PTPRB: variants seen among roughly 807,000 people sequenced by gnomAD.
PTPRB encodes the protein receptor-type tyrosine-protein phosphatase beta.
Under a neutral mutation model 238.1 loss-of-function variants are expected in PTPRB, and 97 were observed. That is an observed-to-expected ratio of 0.41 (90% CI 0.35 to 0.48). PTPRB has a LOEUF of 0.48. PTPRB is among the 20% of genes least tolerant of loss of function. PTPRB has a pLI of 0.30. For missense variants in PTPRB, 2,292 were observed against 2,681.9 expected (o/e 0.85, Z 3.21); for synonymous variants, 970 against 995.4 (o/e 0.97, Z 0.48).
rs567583207 is a variant in PTPRB at position 70,553,281 on chromosome 12, T to C, written c.5144-261A>G. Among the ~76,000 whole-genome samples the C allele has an allele frequency of 2.0e-5, 3 of 152,246 alleles. No homozygotes were observed. The East Asian group carries it at 5.8e-4, about 29-fold the overall frequency. On this transcript the variant is annotated intron_variant, in intron 20 of 33. Coordinates refer to ENST00000334414, the MANE Select transcript of PTPRB (RefSeq NM_001109754.4). ...ATTTTCCTAGGAAATAAAATAAGGG[T>C]AGCTCATTGCATTAAATGAGAGCAT...
chr12:70,571,858 T>C lies in PTPRB; in HGVS notation c.3072A>G (p.Gln1024=), dbSNP rs1229730325. 3 of 1,613,876 alleles carry C rather than the reference T, an allele frequency of 1.9e-6. No individual in the cohort carries two copies. Among genetic ancestry groups the C allele is most frequent in the African/African-American group, 1.3e-5 (1 of 74,950 alleles). ...CATTCCCTTGTTCATTGGCTTCATA[T>C]TGTCCACTTTTTGTAGTAACAGTGA... ...YSVTVTTKSG[Q]YEANEQGNGR... Residue 1024 remains glutamine, a synonymous_variant, in exon 12 of 34, where the codon CAA becomes CAG. Coordinates refer to ENST00000334414, the MANE Select transcript of PTPRB (RefSeq NM_001109754.4).
At position 70,592,369 on chromosome 12, in the gene PTPRB, C is replaced by A. The variant is rs1323666538; in HGVS notation, c.1693G>T (p.Glu565Ter). Residue 565 changes from glutamate to a stop codon, truncating the protein, a stop_gained, in exon 7 of 34, where the codon GAG becomes TAG. Transcript: ENST00000334414. LOFTEE classifies it high-confidence loss of function. The stretch of plus-strand genomic sequence containing the variant: ...TGATAAAGTCGACCGGGGACTAACT[C>A]TTTAAAGTGAGTTTCAGTAATCCAA... ...APWITETHFK[E>*]LVPGRLYQVT... The A allele has an allele frequency of 3.1e-6, 5 of 1,613,858 alleles. No individual in the cohort carries two copies. The highest frequency in any genetic ancestry group is 4.2e-6 in the Non-Finnish European group (5 of 1,179,872).
At chr12:70,539,318 C>A in intron 26 of PTPRB, 1 of 533,226 alleles carries the variant, frequency 1.9e-6, no homozygotes, top group Non-Finnish European at 3.3e-6. Flanking sequence ...ATCTTCCAGC[C>A]AAGCAAATGG....
chr12:70,595,517 G>GA (rs1265622825), intron 5 of PTPRB, among the ~76,000 whole-genome samples: 4 of 152,094 alleles, frequency 2.6e-5, no homozygotes, highest in Admixed American at 1.3e-4. Flanking sequence ...CAAATGACAT[G>GA]AAAGACATGT....
intron 33 of PTPRB, among the ~76,000 whole-genome samples, chr12:70,522,820 T>C (rs1354698767): frequency 1.3e-5 from 2 of 151,982 alleles, no homozygotes; most frequent in Non-Finnish European, 2.9e-5. Flanking sequence ...TTTATTTAGC[T>C]ATTATAACAT....
At position 70,576,666 on chromosome 12, in the gene PTPRB, GGGCGGGGGGGGGGGGGA is replaced by G. The variant is rs1565967058; in HGVS notation, c.2579-38_2579-22del. ...AGGGACTGTGATTTTGAAAGGTGGGGGGCGGGGGGGGGGGGGAAGGGGGATTCAAAAAGAAAGACACA... is the reference window on the plus strand; with the variant it reads ...AGGGACTGTGATTTTGAAAGGTGGGGAGGGGGATTCAAAAAGAAAGACACA... On this transcript the variant is annotated intron_variant, in intron 10 of 33. Coordinates refer to ENST00000334414, the MANE Select transcript of PTPRB (RefSeq NM_001109754.4). The G allele has an allele frequency of 5.3e-5, 15 of 281,884 alleles. 1 individual carries two copies. The highest frequency in any genetic ancestry group is 1.7e-4 in the Admixed American group (3 of 17,576). 17.5% of individuals were successfully genotyped at this position (281,884 alleles called of 1,614,324 possible).
At chr12:70,636,747 C>A (rs959078418) in intron 1 of PTPRB, among the ~76,000 whole-genome samples, 104 of 152,128 alleles carry the variant, frequency 6.8e-4, no homozygotes, top group African/African-American at 2.5e-3. Flanking sequence ...CTCTCAAATA[C>A]GAATAGATTT....
intron 32 of PTPRB, among the ~76,000 whole-genome samples, chr12:70,531,186 G>A (rs1392792972): frequency 6.6e-6 from 1 of 152,198 alleles, no homozygotes; most frequent in Non-Finnish European, 1.5e-5. Context: ...CTCAAAGGGG[G>A]CCTTGGCTGC....
At chr12:70,562,786 C>G in intron 16 of PTPRB, 58 bp downstream of exon 16, 6 of 1,568,596 alleles carry the variant, frequency 3.8e-6, no homozygotes, top group Non-Finnish European at 5.2e-6. Context: ...CAAGGAAAAG[C>G]CAGTGAATAC....
chr12:70,559,872 G>A lies in PTPRB; in HGVS notation c.4433-248C>T, dbSNP rs149489340. Among the ~76,000 whole-genome samples, 343 of 111,536 alleles carry A rather than the reference G, an allele frequency of 3.1e-3. 1 individual carries two copies. Among genetic ancestry groups the A allele is most frequent in the African/African-American group, 0.012 (328 of 28,510 alleles). 73.2% of individuals were successfully genotyped at this position (111,536 alleles called of 152,430 possible). A position where few individuals can be genotyped will look rare whatever the true frequency, so the allele number is the denominator to read the frequency against. On this transcript the variant is annotated intron_variant, in intron 17 of 33. Transcript: ENST00000334414. Reference sequence around the variant, plus strand: ...TTTTTTGAGACAGAGTTTTGCTCTTGCTGCCCAGGCTGAAGTGCAGTGGAG... The same window carrying A: ...TTTTTTGAGACAGAGTTTTGCTCTTACTGCCCAGGCTGAAGTGCAGTGGAG...
chr12:70,535,692 G>T (rs1444178074), intron 29 of PTPRB, among the ~76,000 whole-genome samples: 3 of 152,134 alleles, frequency 2.0e-5, no homozygotes, highest in Non-Finnish European at 2.9e-5. Context: ...GGGATGAGGG[G>T]CAGGTCCAGT....
At chr12:70,538,664 G>T (rs1351618792) in intron 27 of PTPRB, 15 of 524,196 alleles carry the variant, frequency 2.9e-5, no homozygotes, top group Non-Finnish European at 4.4e-5. Context: ...TTACTGCTTA[G>T]CCTCCAAAGA....
Position 70,519,083 on chromosome 12 carries a change from G to A in PTPRB, c.*2406C>T, listed in dbSNP as rs1029032049. 1 of 152,098 alleles carries A rather than the reference G, an allele frequency of 6.6e-6. No individual in the cohort carries two copies. Among genetic ancestry groups the A allele is most frequent in the East Asian group, 1.9e-4 (1 of 5,200 alleles). The allele number at this position is 152,098 out of a possible 1,614,324, so 9.4% of individuals were successfully genotyped here. A position where few individuals can be genotyped will look rare whatever the true frequency, so the allele number is the denominator to read the frequency against. ...TAGTGAAATATTTGTTGCTAAGAAG[G>A]TTTAAAATTAGGTGTAGGGTAGGAA... On this transcript the variant is annotated 3_prime_UTR_variant, in exon 34 of 34. Coordinates refer to ENST00000334414, the MANE Select transcript of PTPRB (RefSeq NM_001109754.4).
chr12:70,557,697 ATACTTTCT>A (rs1877902110), intron 18 of PTPRB, among the ~76,000 whole-genome samples: 1 of 152,174 alleles, frequency 6.6e-6, no homozygotes, highest in Admixed American at 6.5e-5. Flanking sequence ...TGAGCTTAAG[ATACTTTCT>A]TACCAAGAGA....
Position 70,569,751 on chromosome 12 carries a change from G to A in PTPRB, c.3558C>T (p.Ala1186=), listed in dbSNP as rs746909208. 7 of 1,613,624 alleles carry A rather than the reference G, an allele frequency of 4.3e-6. No homozygotes were observed. The Admixed American group carries it at 1.0e-4, about 23-fold the overall frequency. The change falls in exon 14 of 34, where the codon GCC becomes GCT. Residue 1186 remains alanine (A), a synonymous_variant. Coordinates refer to ENST00000334414, the MANE Select transcript of PTPRB (RefSeq NM_001109754.4). The stretch of plus-strand genomic sequence containing the variant: ...CAATCATGATCTGGTACTGCTCCCC[G>A]GCCTCCAGTCTGTGGAACGTGTGCT... ...VFEHTFHRLE[A]GEQYQIMIAS...
rs533722738 is a variant in PTPRB, at chr12:70,568,537, T to C, written c.3634+1138A>G. ...TGGTCTCAATCTCCTGACCTTGTGA[T>C]CCACCCACCTTGGCCTCCCAAAGTG... is the stretch of plus-strand genomic sequence containing the variant. On this transcript the variant is annotated intron_variant, in intron 14 of 33. Transcript: ENST00000334414. Among the ~76,000 whole-genome samples the C allele has an allele frequency of 3.2e-3, 488 of 152,248 alleles. 2 individuals are homozygous for C. Among genetic ancestry groups the C allele is most frequent in the African/African-American group, 0.011 (454 of 41,540 alleles).
chr12:70,524,867 A>G (rs1025009855), intron 32 of PTPRB, among the ~76,000 whole-genome samples: 1 of 147,708 alleles, frequency 6.8e-6, no homozygotes, highest in Admixed American at 6.9e-5. Context: ...ATATGTGTGT[A>G]TATATGTGTG....
chr12:70,627,341 G>A (rs1375019840), intron 2 of PTPRB, among the ~76,000 whole-genome samples: 1 of 152,142 alleles, frequency 6.6e-6, no homozygotes, highest in Non-Finnish European at 1.5e-5. Flanking sequence ...GGCGTGCGCA[G>A]GACTGACTTG....
chr12:70,529,689 C>T (rs1872889618), intron 32 of PTPRB, among the ~76,000 whole-genome samples: 1 of 152,044 alleles, frequency 6.6e-6, no homozygotes, highest in Non-Finnish European at 1.5e-5. Flanking sequence ...TATAATTCTG[C>T]AACCTTTGAT....
Sources: gnomAD v4.1 joint callset for allele counts (sites outside exome capture counted in the v4.1 genomes callset) on GRCh38, gnomAD v4.1.1 for gene constraint, MANE v1.5 for transcripts, NCBI Gene and HGNC (gene_info 2026-07-23, HGNC 2026-07-21) for gene names.